The following ATP6V0D2 variants were observed in gnomAD, a reference collection of about 807,000 sequenced individuals.
The protein encoded by ATP6V0D2 is ATPase H+ transporting V0 subunit d2, also known as V-type proton ATPase subunit d 2.
ATP6V0D2 carries 40 observed loss-of-function variants against 40.0 expected under a neutral mutation model. The observed-to-expected ratio is 1.00, with a 90% confidence interval of 0.78 to 1.30. The LOEUF (loss-of-function observed/expected upper bound fraction) is 1.30, where lower values mean the gene tolerates loss of function less well. Ranked by LOEUF, ATP6V0D2 falls within the 50% of genes most tolerant of loss-of-function variation. ATP6V0D2 has a pLI of 0.00. For synonymous variants in ATP6V0D2, 179 were observed against 156.3 expected, an observed-to-expected ratio of 1.15 and a Z score of -1.08; for missense variants, 470 against 423.1, an observed-to-expected ratio of 1.11 and a Z score of -0.97.
At chr8:86,128,801 G>C (rs778328056) in intron 2 of ATP6V0D2, among the ~76,000 whole-genome samples, 1 of 152,250 alleles carries the variant, frequency 6.6e-6, no homozygotes, top group South Asian at 2.1e-4. Flanking sequence ...ACGATTTATG[G>C]TCTTCTTTTT....
chr8:86,151,559 T>A lies in ATP6V0D2; in HGVS notation c.891+19T>A. On this transcript the variant is annotated intron_variant, in intron 7 of 7. Transcript: ENST00000285393. ...GCGTGAGGTATGATATAAGTGGAAA[T>A]ACTATTAGCTTATTTTTCTCTTACT... The A allele has an allele frequency of 6.4e-7, 1 of 1,564,132 alleles. No homozygotes were observed. The highest frequency in any genetic ancestry group is 8.7e-7 in the Non-Finnish European group (1 of 1,149,260).
At chr8:86,148,359 G>A (rs1819099185) in intron 5 of ATP6V0D2, among the ~76,000 whole-genome samples, 1 of 152,120 alleles carries the variant, frequency 6.6e-6, no homozygotes, top group Non-Finnish European at 1.5e-5. Context: ...TAATCTCCAT[G>A]AGAGCAATCA....
chr8:86,143,903 A>G (rs2130277404), intron 5 of ATP6V0D2, among the ~76,000 whole-genome samples: 1 of 152,156 alleles, frequency 6.6e-6, no homozygotes, highest in Non-Finnish European at 1.5e-5. Context: ...GCAGCTGGGA[A>G]CCCCCACAAC....
chr8:86,134,761 GA>G (rs953615512), intron 2 of ATP6V0D2, among the ~76,000 whole-genome samples: 1 of 151,848 alleles, frequency 6.6e-6, no homozygotes, highest in Non-Finnish European at 1.5e-5. Flanking sequence ...CCAAAAACTA[GA>G]AAAAAACCAC....
chr8:86,103,713 G>A (rs1818432053), intron 1 of ATP6V0D2, among the ~76,000 whole-genome samples: 2 of 152,190 alleles, frequency 1.3e-5, no homozygotes, highest in African/African-American at 4.8e-5. Context: ...CAATTGGGTA[G>A]TACCTACTGA....
chr8:86,104,479 A>G (rs1818442615), intron 1 of ATP6V0D2, among the ~76,000 whole-genome samples: 2 of 152,234 alleles, frequency 1.3e-5, no homozygotes, highest in South Asian at 4.1e-4. Flanking sequence ...AGCAAGGGGA[A>G]GAACCAGGTG....
At chr8:86,151,628 C>A in intron 7 of ATP6V0D2, 88 bp downstream of exon 7, 1 of 995,282 alleles carries the variant, frequency 1.0e-6, no homozygotes, top group Non-Finnish European at 1.5e-6. Context: ...CTTTTTACAG[C>A]TGATCATGCC....
intron 2 of ATP6V0D2, among the ~76,000 whole-genome samples, chr8:86,117,820 G>T (rs960907015): frequency 1.3e-5 from 2 of 152,130 alleles, no homozygotes; most frequent in African/African-American, 2.4e-5. Context: ...TAGATGGGAA[G>T]GTTGTTCCAT....
At chr8:86,143,906 C>T (rs974062318) in intron 5 of ATP6V0D2, among the ~76,000 whole-genome samples, 1 of 152,060 alleles carries the variant, frequency 6.6e-6, no homozygotes, top group African/African-American at 2.4e-5. Context: ...GCTGGGAACC[C>T]CCACAACTTG....
intron 2 of ATP6V0D2, among the ~76,000 whole-genome samples, chr8:86,131,596 G>C (rs766847069): frequency 2.6e-5 from 4 of 151,158 alleles, no homozygotes; most frequent in African/African-American, 7.3e-5. Context: ...TGCCTCCCGG[G>C]TTCAAGTGAT....
chr8:86,152,522 T>G (rs928329905), intron 7 of ATP6V0D2, among the ~76,000 whole-genome samples: 2 of 152,264 alleles, frequency 1.3e-5, no homozygotes, highest in African/African-American at 4.8e-5. Context: ...ATGGTTGAAC[T>G]AATTTACACT....
Position 86,144,751 on chromosome 8 carries a change from C to T in ATP6V0D2, c.639+1797C>T, listed in dbSNP as rs535134659. On this transcript the variant is annotated intron_variant, in intron 5 of 7. Coordinates refer to ENST00000285393, the MANE Select transcript of ATP6V0D2 (RefSeq NM_152565.1). Reference sequence around the variant, plus strand: ...GCATGATCATGGCTCACTGCAGCCTCGACCTCTTGGGCTCAAATGATCCTC... The same window carrying T: ...GCATGATCATGGCTCACTGCAGCCTTGACCTCTTGGGCTCAAATGATCCTC... 4.4e-4 allele frequency among the ~76,000 whole-genome samples: 67 copies of T among 152,230 alleles called. No homozygotes were observed. The South Asian group carries it at 4.6e-3, about 10-fold the overall frequency.
At chr8:86,118,348 A>T (rs1313185501) in intron 2 of ATP6V0D2, among the ~76,000 whole-genome samples, 1 of 151,166 alleles carries the variant, frequency 6.6e-6, no homozygotes, top group African/African-American at 2.4e-5. Flanking sequence ...TGCTGGGATT[A>T]CAGGCGTGAG....
intron 7 of ATP6V0D2, 126 bp downstream of exon 7, chr8:86,151,666 T>A: frequency 2.9e-6 from 2 of 682,532 alleles, no homozygotes; most frequent in African/African-American, 1.9e-5. Flanking sequence ...CATAGCTTGA[T>A]AGTCAGTGAT....
chr8:86,099,613 C>G (rs1586081643), intron 1 of ATP6V0D2, among the ~76,000 whole-genome samples: 1 of 152,276 alleles, frequency 6.6e-6, no homozygotes, highest in African/African-American at 2.4e-5. Context: ...CCTGCCTCAG[C>G]CTCCCGAGTA....
chr8:86,113,317 T>TA (rs1818549368), intron 1 of ATP6V0D2, among the ~76,000 whole-genome samples: 1 of 151,638 alleles, frequency 6.6e-6, no homozygotes, highest in Non-Finnish European at 1.5e-5. Flanking sequence ...TGTCTCTACT[T>TA]AAAAAAATAC....
chr8:86,143,904 C>T (rs964070171), intron 5 of ATP6V0D2, among the ~76,000 whole-genome samples: 3 of 152,080 alleles, frequency 2.0e-5, no homozygotes, highest in Non-Finnish European at 4.4e-5. Flanking sequence ...CAGCTGGGAA[C>T]CCCCACAACT....
intron 5 of ATP6V0D2, among the ~76,000 whole-genome samples, chr8:86,144,237 C>T (rs955307703): frequency 3.3e-5 from 5 of 152,298 alleles, no homozygotes; most frequent in Middle Eastern, 3.4e-3. Context: ...GTGGGGCATC[C>T]TGCACATAAT....
chr8:86,133,900 A>T (rs1330009185), intron 2 of ATP6V0D2, among the ~76,000 whole-genome samples: 1 of 152,146 alleles, frequency 6.6e-6, no homozygotes, highest in Non-Finnish European at 1.5e-5. Context: ...TTGAAAAAGT[A>T]TTCAAAGAAA....
Sources: gnomAD v4.1 joint callset for allele counts (sites outside exome capture counted in the v4.1 genomes callset) on GRCh38, gnomAD v4.1.1 for gene constraint, MANE v1.5 for transcripts, NCBI Gene and HGNC (gene_info 2026-07-23, HGNC 2026-07-21) for gene names.